TLN2: variants seen among roughly 807,000 people sequenced by gnomAD.
The protein encoded by TLN2 is talin 2, also known as talin-2.
TLN2 carries 118 observed loss-of-function variants against 294.7 expected under a neutral mutation model. The ratio of observed to expected loss-of-function variants is 0.40; its 90% confidence interval spans 0.34 to 0.47. The LOEUF (loss-of-function observed/expected upper bound fraction) is 0.47, where lower values mean the gene tolerates loss of function less well. TLN2 is among the 20% of genes least tolerant of loss of function. TLN2 has a pLI of 0.84. For missense variants in TLN2, 3,083 were observed against 3,282.2 expected, an observed-to-expected ratio of 0.94 and a Z score of 1.48; for synonymous variants, 1,431 against 1,304.5, an observed-to-expected ratio of 1.10 and a Z score of -2.09.
At chr15:62,569,045 G>A (rs1408523249) in intron 1 of TLN2, among the ~76,000 whole-genome samples, 1 of 152,148 alleles carries the variant, frequency 6.6e-6, no homozygotes, top group Non-Finnish European at 1.5e-5. Context: ...GCCTCTTTCA[G>A]CTGCTGGTGG....
chr15:62,707,264 T>G lies in TLN2; in HGVS notation c.2172+11T>G. On this transcript the variant is annotated intron_variant, in intron 20 of 58. Transcript: ENST00000636159. Reference sequence around the variant, plus strand: ...GTGGCATGTGCCAAGGTAAGCCAGCTGGCACCCCAGCCCTTTCTACCCAGT... The same window carrying G: ...GTGGCATGTGCCAAGGTAAGCCAGCGGGCACCCCAGCCCTTTCTACCCAGT... 6.2e-7 allele frequency: 1 copy of G among 1,603,526 alleles called. No homozygotes were observed. The highest frequency in any genetic ancestry group is 1.1e-5 in the South Asian group (1 of 89,966).
chr15:62,694,408 A>G lies in TLN2; in HGVS notation c.1292+16A>G. Reference sequence around the variant, plus strand: ...CCCCAAAAAAGTAAGTATTATGAAGAGTACTAGAGGACCACCTTCTCCCTA... The same window carrying G: ...CCCCAAAAAAGTAAGTATTATGAAGGGTACTAGAGGACCACCTTCTCCCTA... On this transcript the variant is annotated intron_variant, in intron 14 of 58. Transcript: ENST00000636159. 6.2e-7 allele frequency: 1 copy of G among 1,611,480 alleles called. No homozygotes were observed. The highest frequency in any genetic ancestry group is 1.7e-5 in the Admixed American group (1 of 60,014).
At chr15:62,718,482 G>T (rs1403659767) in intron 24 of TLN2, among the ~76,000 whole-genome samples, 1 of 152,202 alleles carries the variant, frequency 6.6e-6, no homozygotes, top group Non-Finnish European at 1.5e-5. Flanking sequence ...TCACATTTGT[G>T]AGGGGTGCCA....
chr15:62,646,497 G>T (rs1187192067), intron 3 of TLN2, among the ~76,000 whole-genome samples: 1 of 152,180 alleles, frequency 6.6e-6, no homozygotes, highest in African/African-American at 2.4e-5. Context: ...AACTGGAGAA[G>T]AAACAAAATA....
chr15:62,403,820 G>A lies in TLN2; in HGVS notation c.-238+13135G>A, dbSNP rs915602950. On this transcript the variant is annotated intron_variant, in intron 1 of 58. Transcript: ENST00000636159. ...GGATCACCTCTTATGAGGTCACGCC[G>A]GCATCCCCTGGCCCCTGTTCTCAAG... Among the ~76,000 whole-genome samples, 5 of 152,172 alleles carry A rather than the reference G, an allele frequency of 3.3e-5. No homozygotes were observed. In the East Asian group the frequency reaches 7.7e-4, roughly 24 times the overall value.
At chr15:62,673,310 C>CTTTTTTTTTTTTGTTTTTTTTT (rs2055690286) in intron 9 of TLN2, among the ~76,000 whole-genome samples, 1 of 42,856 alleles carries the variant, frequency 2.3e-5, no homozygotes, top group African/African-American at 7.5e-5. Flanking sequence ...TTAGATGTTG[C>CTTTTTTTTTTTTGTTTTTTTTT]TTTTTTTTTT....
At chr15:62,481,820 C>T (rs1164282888) in intron 1 of TLN2, among the ~76,000 whole-genome samples, 26 of 101,198 alleles carry the variant, frequency 2.6e-4, no homozygotes, top group East Asian at 5.5e-4. Flanking sequence ...TTTTTTAAGA[C>T]GGAGTCTCTC....
chr15:62,483,357 G>A (rs919696772), intron 1 of TLN2, among the ~76,000 whole-genome samples: 1 of 152,204 alleles, frequency 6.6e-6, no homozygotes. Flanking sequence ...CTTCTGTGTT[G>A]TAGTCAGCAC....
chr15:62,816,866 T>C (rs1186762240), intron 52 of TLN2, among the ~76,000 whole-genome samples: 1 of 152,200 alleles, frequency 6.6e-6, no homozygotes, highest in Non-Finnish European at 1.5e-5. Context: ...CAGACAAATA[T>C]GGTACAAGCC....
chr15:62,840,836 C>T lies in TLN2; in HGVS notation c.*226C>T, dbSNP rs987251482. ...CCACAACTCCTCTGCCGCCTCCCCT[C>T]ATGCCTCACCGTGTCTCAGGAGAGA... On this transcript the variant is annotated 3_prime_UTR_variant, in exon 59 of 59. Coordinates refer to ENST00000636159, the MANE Select transcript of TLN2 (RefSeq NM_015059.3). The T allele has an allele frequency of 9.4e-6, 5 of 529,650 alleles. No homozygotes were observed. In the African/African-American group the frequency reaches 9.5e-5, roughly 10 times the overall value. 32.8% of individuals were successfully genotyped at this position (529,650 alleles called of 1,614,324 possible). A position where few individuals can be genotyped will look rare whatever the true frequency, so the allele number is the denominator to read the frequency against.
Position 62,653,173 on chromosome 15 carries a change from T to A in TLN2, c.376T>A (p.Tyr126Asn). Residue 126 changes from tyrosine to asparagine, a missense_variant, in exon 7 of 59, where the codon TAT becomes AAT. Tyr to Asn is a moderately radical substitution (Grantham distance 143). Transcript: ENST00000636159. ...TTTCCAATGTTTAGGAATAACAAAT[T>A]ATGAAGAATACTCCTTAATCCAAGA... Reference protein sequence around the residue: ...TICSRIGITNYEEYSLIQETI... With the variant: ...TICSRIGITNNEEYSLIQETI... 1 of 1,571,378 alleles carries A rather than the reference T, an allele frequency of 6.4e-7. No individual in the cohort carries two copies. The highest frequency in any genetic ancestry group is 2.3e-5 in the East Asian group (1 of 43,170).
At chr15:62,657,919 CT>C in intron 9 of TLN2, 21 bp downstream of exon 9, 1 of 1,604,764 alleles carries the variant, frequency 6.2e-7, no homozygotes, top group South Asian at 1.1e-5. Context: ...TTTTGTTTCT[CT>C]TTTTTCTCTT....
chr15:62,666,389 GTCT>G (rs980938633), intron 9 of TLN2, among the ~76,000 whole-genome samples: 2 of 152,044 alleles, frequency 1.3e-5, no homozygotes, highest in Admixed American at 1.3e-4. Context: ...ACCTTGCTTG[GTCT>G]TCTGCTCCTT....
intron 3 of TLN2, chr15:62,640,407 T>A: frequency 2.2e-6 from 1 of 454,372 alleles, no homozygotes; most frequent in Non-Finnish European, 4.4e-6. Context: ...CTCTTACTCT[T>A]GTAGACCTCC....
Position 62,618,428 on chromosome 15 carries a change from A to G in TLN2, c.-84A>G, listed in dbSNP as rs1460707337. 1 of 152,238 alleles carries G rather than the reference A, an allele frequency of 6.6e-6. No homozygotes were observed. Among genetic ancestry groups the G allele is most frequent in the Non-Finnish European group, 1.5e-5 (1 of 68,060 alleles). The allele number at this position is 152,238 out of a possible 1,614,324, so 9.4% of individuals were successfully genotyped here. Reference sequence around the variant, plus strand: ...AAACTTCGGACCCCTGGGTATTAACAGAGGACTCAGTGGGAGCTCCTGGTC... The same window carrying G: ...AAACTTCGGACCCCTGGGTATTAACGGAGGACTCAGTGGGAGCTCCTGGTC... On this transcript the variant is annotated 5_prime_UTR_variant, in exon 3 of 59. Coordinates refer to ENST00000636159, the MANE Select transcript of TLN2 (RefSeq NM_015059.3).
At chr15:62,677,726 C>T (rs2056377858) in intron 11 of TLN2, among the ~76,000 whole-genome samples, 3 of 148,990 alleles carry the variant, frequency 2.0e-5, no homozygotes, top group African/African-American at 7.4e-5. Context: ...CTTTCTTTCC[C>T]TTCTTTCTCT....
At chr15:62,623,973 T>C (rs1355163908) in intron 3 of TLN2, among the ~76,000 whole-genome samples, 11 of 152,198 alleles carry the variant, frequency 7.2e-5, no homozygotes, top group Admixed American at 7.2e-4. Flanking sequence ...TCCTTTGCTG[T>C]CAATCACATG....
chr15:62,574,579 C>CAAAAAAAAAAAAAAAAA (rs56279063), intron 1 of TLN2, among the ~76,000 whole-genome samples: 11 of 46,482 alleles, frequency 2.4e-4, no homozygotes, highest in Non-Finnish European at 3.4e-4. Context: ...GACCCTGTCT[C>CAAAAAAAAAAAAAAAAA]AAAAAAAAAA....
chr15:62,742,497 A>T (rs972540613), intron 32 of TLN2, among the ~76,000 whole-genome samples: 1 of 152,188 alleles, frequency 6.6e-6, no homozygotes, highest in African/African-American at 2.4e-5. Context: ...AGGAGGGGGA[A>T]TGTATAAATT....
Sources: gnomAD v4.1 joint callset for allele counts (sites outside exome capture counted in the v4.1 genomes callset) on GRCh38, gnomAD v4.1.1 for gene constraint, MANE v1.5 for transcripts, NCBI Gene and HGNC (gene_info 2026-07-23, HGNC 2026-07-21) for gene names.